Variants in AGXT2 observed in about 807,000 individuals in gnomAD.
AGXT2 encodes alanine--glyoxylate aminotransferase 2, mitochondrial.
AGXT2 carries 61 observed loss-of-function variants against 62.5 expected under a neutral mutation model. That is an observed-to-expected ratio of 0.98 (90% CI 0.79 to 1.21). AGXT2 has a LOEUF of 1.21. Ranked by LOEUF, AGXT2 falls within the 50% of genes most tolerant of loss-of-function variation. The probability of loss-of-function intolerance (pLI) is 0.00; values close to 1 mark genes in which losing one functional copy is unlikely to be tolerated. For synonymous variants in AGXT2, 243 were observed against 218.7 expected, an observed-to-expected ratio of 1.11 and a Z score of -0.98; for missense variants, 666 against 641.5, an observed-to-expected ratio of 1.04 and a Z score of -0.41.
At chr5:35,033,366 A>C in intron 6 of AGXT2, 94 bp downstream of exon 6, 1 of 994,818 alleles carries the variant, frequency 1.0e-6, no homozygotes, top group Non-Finnish European at 1.6e-6. Context: ...CAGGCTTTAT[A>C]TTAGTTTCTA....
At chr5:35,047,297 G>A (rs1343252048) in intron 1 of AGXT2, among the ~76,000 whole-genome samples, 5 of 152,098 alleles carry the variant, frequency 3.3e-5, no homozygotes, top group African/African-American at 1.2e-4. Context: ...AAGAAAAATA[G>A]CTAGGCATGG....
chr5:35,019,674 C>A (rs1766991614), intron 9 of AGXT2, among the ~76,000 whole-genome samples: 1 of 151,972 alleles, frequency 6.6e-6, no homozygotes, highest in South Asian at 2.1e-4. Context: ...ACTAGAAAAG[C>A]AAGAGAAAAC....
At chr5:35,041,692 A>G (rs1767996628) in intron 1 of AGXT2, among the ~76,000 whole-genome samples, 1 of 152,212 alleles carries the variant, frequency 6.6e-6, no homozygotes, top group Admixed American at 6.5e-5. Context: ...TCTCTTTCTC[A>G]GCATGAAGGT....
intron 13 of AGXT2, among the ~76,000 whole-genome samples, chr5:35,001,169 C>A (rs1001619116): frequency 3.9e-5 from 6 of 152,026 alleles, no homozygotes; most frequent in African/African-American, 1.5e-4. Context: ...GGAGGTAACC[C>A]CACTATAAGT....
rs191609297 is a variant in AGXT2, at chr5:35,034,522, T to C, written c.581+700A>G. On this transcript the variant is annotated intron_variant, in intron 5 of 13. Transcript: ENST00000231420. Reference sequence around the variant, plus strand: ...AAAATGCAACTGTTTATTCATTCCATCAACTTTTACCATAAGCCACTCCTG... The same window carrying C: ...AAAATGCAACTGTTTATTCATTCCACCAACTTTTACCATAAGCCACTCCTG... Among the ~76,000 whole-genome samples, 14 of 152,336 alleles carry C rather than the reference T, an allele frequency of 9.2e-5. No homozygotes were observed. The East Asian group carries it at 2.3e-3, about 25-fold the overall frequency.
intron 10 of AGXT2, among the ~76,000 whole-genome samples, chr5:35,013,680 G>A (rs1403730095): frequency 6.6e-6 from 1 of 152,142 alleles, no homozygotes; most frequent in African/African-American, 2.4e-5. Context: ...TACTCAGGAG[G>A]CTGAGGCAGG....
At chr5:35,025,641 G>A in intron 9 of AGXT2, 122 bp downstream of exon 9, 1 of 976,644 alleles carries the variant, frequency 1.0e-6, no homozygotes, top group Non-Finnish European at 1.6e-6. Flanking sequence ...TCATTTGTAG[G>A]CAAACTTTGG....
chr5:35,025,484 T>C (rs1767299515), intron 9 of AGXT2, among the ~76,000 whole-genome samples: 1 of 152,236 alleles, frequency 6.6e-6, no homozygotes, highest in South Asian at 2.1e-4. Context: ...TAAAAAAATA[T>C]ATTGAGTCAC....
chr5:35,009,602 C>A (rs1766553257), intron 12 of AGXT2, among the ~76,000 whole-genome samples: 1 of 151,996 alleles, frequency 6.6e-6, no homozygotes, highest in South Asian at 2.1e-4. Flanking sequence ...GTCTCAACAA[C>A]AACAACTCCT....
chr5:35,004,234 T>C (rs1197103140), intron 12 of AGXT2, among the ~76,000 whole-genome samples: 1 of 152,216 alleles, frequency 6.6e-6, no homozygotes, highest in East Asian at 1.9e-4. Context: ...AACTCTTCAC[T>C]TTGTTCTGCC....
chr5:35,030,246 G>A (rs1383563500), intron 7 of AGXT2, among the ~76,000 whole-genome samples: 2 of 152,134 alleles, frequency 1.3e-5, no homozygotes. Context: ...GGTGGCTCAC[G>A]CATGTGATCC....
At chr5:35,043,254 A>T (rs1768055365) in intron 1 of AGXT2, among the ~76,000 whole-genome samples, 1 of 152,220 alleles carries the variant, frequency 6.6e-6, no homozygotes, top group African/African-American at 2.4e-5. Flanking sequence ...AGTATTCACA[A>T]CCAGTTTTCA....
At chr5:35,025,919 A>T (rs2112243489) in intron 8 of AGXT2, 64 bp from the exon 9 acceptor site, 1 of 1,391,618 alleles carries the variant, frequency 7.2e-7, no homozygotes, top group Non-Finnish European at 1.0e-6. Context: ...GTATATAAAA[A>T]AGTTAGATCA....
chr5:35,026,538 C>G, intron 7 of AGXT2, 28 bp from the exon 8 acceptor site: 2 of 1,566,582 alleles, frequency 1.3e-6, no homozygotes, highest in Non-Finnish European at 1.8e-6. Flanking sequence ...CAAAACAAAA[C>G]AAACCACAGC....
rs374266787 is a variant in AGXT2 at position 35,039,392 on chromosome 5, A to G, written c.294T>C (p.Asp98=). 6.2e-7 allele frequency: 1 copy of G among 1,614,166 alleles called. No homozygotes were observed. Among genetic ancestry groups the G allele is most frequent in the African/African-American group, 1.3e-5 (1 of 75,058 alleles). Residue 98 remains aspartate (D), a synonymous_variant, in exon 3 of 14, where the codon GAT becomes GAC. Transcript: ENST00000231420. ...LHQGHMEWLF[D]AEGSRYLDFF... Reference sequence around the variant, plus strand: ...AATCCAGGTATCTGCTTCCTTCAGCATCAAAGAGCCACTCCATGTGCCCCT... The same window carrying G: ...AATCCAGGTATCTGCTTCCTTCAGCGTCAAAGAGCCACTCCATGTGCCCCT...
intron 1 of AGXT2, among the ~76,000 whole-genome samples, chr5:35,046,888 G>A (rs1026575342): frequency 5.9e-5 from 9 of 152,170 alleles, no homozygotes; most frequent in African/African-American, 7.2e-5. Context: ...TGAGGCTCTC[G>A]TGAAACAAGA....
At chr5:35,040,008 T>C (rs11950974) in intron 2 of AGXT2, among the ~76,000 whole-genome samples, 38,325 of 151,944 alleles carry the variant, frequency 0.25, 5,233 homozygotes, top group Non-Finnish European at 0.31. Flanking sequence ...CCTGTAAGTA[T>C]CATGTCGAAT....
intron 9 of AGXT2, among the ~76,000 whole-genome samples, chr5:35,018,044 G>C (rs367805563): frequency 6.6e-6 from 1 of 152,072 alleles, no homozygotes; most frequent in East Asian, 1.9e-4. Flanking sequence ...AAAGAAACGA[G>C]CAAAGCCTCC....
At chr5:35,037,127 T>G (rs1256745605) in intron 3 of AGXT2, 62 bp from the exon 4 acceptor site, 5 of 1,609,856 alleles carry the variant, frequency 3.1e-6, no homozygotes, top group African/African-American at 1.3e-5. Flanking sequence ...GCACACACCC[T>G]GGTCATTGGA....
Sources: allele counts gnomAD v4.1 joint callset (sites outside exome capture counted in the v4.1 genomes callset), GRCh38; gene constraint gnomAD v4.1.1; transcripts MANE v1.5; gene names NCBI Gene and HGNC (gene_info 2026-07-23, HGNC 2026-07-21).